LMNB1: variants seen among roughly 807,000 people sequenced by gnomAD.
LMNB1 encodes the protein lamin B1.
In LMNB1, 23 loss-of-function variants were observed where a neutral mutation model predicts 67.1. The observed-to-expected ratio is 0.34, with a 90% CI of 0.25 to 0.49. The LOEUF (loss-of-function observed/expected upper bound fraction) is 0.49, where lower values mean the gene tolerates loss of function less well. Among genes scored for constraint, LMNB1 ranks in the 20% least tolerant of loss-of-function variants. The pLI, the probability that LMNB1 is intolerant of heterozygous loss-of-function variation, is 0.99. For synonymous variants in LMNB1, 281 were observed against 282.9 expected (o/e 0.99, Z 0.07); for missense variants, 634 against 746.5 (o/e 0.85, Z 1.76).
At chr5:126,781,671 G>A (rs1190799663) in intron 1 of LMNB1, among the ~76,000 whole-genome samples, 7 of 152,032 alleles carry the variant, frequency 4.6e-5, no homozygotes, top group Admixed American at 2.6e-4. Context: ...CCTGACCTCA[G>A]GTGATCCACC....
chr5:126,786,576 A>G (rs1750790921), intron 1 of LMNB1, among the ~76,000 whole-genome samples: 1 of 152,198 alleles, frequency 6.6e-6, no homozygotes, highest in African/African-American at 2.4e-5. Flanking sequence ...GTTCACATAC[A>G]TAACCTTATT....
chr5:126,832,725 C>T lies in LMNB1; in HGVS notation c.1643C>T (p.Thr548Ile). The T allele has an allele frequency of 1.9e-6, 3 of 1,613,002 alleles. No individual in the cohort carries two copies. The highest frequency in any genetic ancestry group is 2.5e-6 in the Non-Finnish European group (3 of 1,179,338). Residue 548 changes from threonine to isoleucine, a missense_variant, in exon 10 of 11, where the codon ACA (threonine) becomes ATA (isoleucine). Coordinates refer to ENST00000261366, the MANE Select transcript of LMNB1 (RefSeq NM_005573.4). The stretch of plus-strand genomic sequence containing the variant: ...GCTCAAAGAAGTACAGTCTTTAAAA[C>T]AACCATACCTGAAGAAGAGGAGGAG... The part of the protein sequence containing the change: ...EVAQRSTVFK[T>I]TIPEEEEEEE...
chr5:126,804,881 CA>C lies in LMNB1; in HGVS notation c.472del (p.Ser158ValfsTer2). 1 of 1,613,650 alleles carries C rather than the reference CA, an allele frequency of 6.2e-7. No individual in the cohort carries two copies. The highest frequency in any genetic ancestry group is 8.5e-7 in the Non-Finnish European group (1 of 1,179,858). On this transcript the variant is annotated frameshift_variant, in exon 2 of 11. Coordinates refer to ENST00000261366, the MANE Select transcript of LMNB1 (RefSeq NM_005573.4). LOFTEE classifies it high-confidence loss of function. ...CAGCTCTTGCTACTGCACTTGGTGA[CA>C]AAAAAAGTTTAGAGGGAGATTTGGA... ...DAALATALGD[K>X]KSLEGDLEDL...
chr5:126,811,298 CAAG>C (rs1423102021), intron 4 of LMNB1, among the ~76,000 whole-genome samples: 3 of 152,116 alleles, frequency 2.0e-5, no homozygotes, highest in African/African-American at 7.2e-5. Flanking sequence ...GTATTTTACT[CAAG>C]GAGTTTTTTT....
intron 1 of LMNB1, among the ~76,000 whole-genome samples, chr5:126,794,038 G>T (rs960708254): frequency 6.6e-6 from 1 of 151,896 alleles, no homozygotes; most frequent in Non-Finnish European, 1.5e-5. Context: ...GGGTTCAAGC[G>T]ATTCTCCTGC....
At chr5:126,786,208 C>T (rs1750777331) in intron 1 of LMNB1, among the ~76,000 whole-genome samples, 1 of 147,872 alleles carries the variant, frequency 6.8e-6, no homozygotes, top group Non-Finnish European at 1.5e-5. Context: ...CTGCAGGCTC[C>T]ATCTCTTGAG....
intron 9 of LMNB1, among the ~76,000 whole-genome samples, chr5:126,831,633 C>T (rs1752131997): frequency 1.3e-5 from 2 of 152,134 alleles, no homozygotes; most frequent in South Asian, 2.1e-4. Context: ...ATCAGGTGGT[C>T]CTGTTGCTGG....
intron 3 of LMNB1, 151 bp downstream of exon 3, chr5:126,805,847 A>G: frequency 1.7e-6 from 1 of 580,050 alleles, no homozygotes; most frequent in Non-Finnish European, 2.8e-6. Flanking sequence ...ATGGGGAGAA[A>G]TTTTGCAGGT....
At chr5:126,830,102 G>A (rs929298839) in intron 9 of LMNB1, among the ~76,000 whole-genome samples, 23 of 152,226 alleles carry the variant, frequency 1.5e-4, no homozygotes, top group African/African-American at 3.9e-4. Context: ...ACATAAGATC[G>A]CCCTGATTTG....
At chr5:126,810,926 G>T (rs1478747379) in intron 4 of LMNB1, among the ~76,000 whole-genome samples, 2 of 152,168 alleles carry the variant, frequency 1.3e-5, no homozygotes, top group East Asian at 3.8e-4. Context: ...ACTAGTACAG[G>T]CTTTCCCTGG....
intron 8 of LMNB1, among the ~76,000 whole-genome samples, chr5:126,825,196 A>C (rs1751967939): frequency 6.6e-6 from 1 of 152,204 alleles, no homozygotes; most frequent in Non-Finnish European, 1.5e-5. Flanking sequence ...CCAGAATTCA[A>C]ACCTAGGCTT....
chr5:126,814,936 G>T (rs1304125051), intron 5 of LMNB1, among the ~76,000 whole-genome samples: 1 of 152,104 alleles, frequency 6.6e-6, no homozygotes, highest in Admixed American at 6.6e-5. Context: ...GTGCACTGGG[G>T]GTTTCCAGGA....
At chr5:126,777,052 G>A (rs1468026076), upstream of LMNB1, 1 of 156,062 alleles carries the variant, frequency 6.4e-6, no homozygotes, top group Non-Finnish European at 1.4e-5. Context: ...ATGTTGGGGA[G>A]TGCGGCGCCG....
intron 1 of LMNB1, among the ~76,000 whole-genome samples, chr5:126,802,591 AC>A (rs1297830816): frequency 6.6e-6 from 1 of 151,928 alleles, no homozygotes; most frequent in Admixed American, 6.6e-5. Flanking sequence ...TTACAGGCAC[AC>A]CCCACCATGC....
chr5:126,781,577 C>G (rs1027694695), intron 1 of LMNB1, among the ~76,000 whole-genome samples: 25 of 151,886 alleles, frequency 1.6e-4, no homozygotes, highest in African/African-American at 5.1e-4. Flanking sequence ...GCTGGGATTA[C>G]AGGTGTGCAC....
intron 4 of LMNB1, 147 bp downstream of exon 4, chr5:126,810,497 C>A: frequency 1.7e-6 from 1 of 601,924 alleles, no homozygotes. Context: ...TTGATTTTTT[C>A]AAAAAAGTGC....
chr5:126,781,382 C>A (rs1003192179), intron 1 of LMNB1, among the ~76,000 whole-genome samples: 6 of 152,092 alleles, frequency 3.9e-5, no homozygotes, highest in African/African-American at 1.4e-4. Context: ...CTGAAAATAG[C>A]TTTGGGCTAG....
In LMNB1 at chr5:126,828,766, T is replaced by G. The variant is rs1752060902; in HGVS notation, c.1611+2659T>G. Among the ~76,000 whole-genome samples, 2 of 151,868 alleles carry G rather than the reference T, an allele frequency of 1.3e-5. 1 individual carries two copies. The highest frequency in any genetic ancestry group is 4.2e-4 in the South Asian group (2 of 4,794). On this transcript the variant is annotated intron_variant, in intron 9 of 10. Transcript: ENST00000261366. Reference sequence around the variant, plus strand: ...TTAGTAGAGATGGGGTTTTACCATATTGGCCAGGATGGTCTCAATCTCTTG... The same window carrying G: ...TTAGTAGAGATGGGGTTTTACCATAGTGGCCAGGATGGTCTCAATCTCTTG...
chr5:126,786,110 AT>A (rs1262579192), intron 1 of LMNB1, among the ~76,000 whole-genome samples: 2 of 98,916 alleles, frequency 2.0e-5, no homozygotes, highest in Non-Finnish European at 2.1e-5. Flanking sequence ...TACAGACATT[AT>A]CTTTTTTTTT....
Sources: allele counts gnomAD v4.1 joint callset (sites outside exome capture counted in the v4.1 genomes callset), GRCh38; gene constraint gnomAD v4.1.1; transcripts MANE v1.5; gene names NCBI Gene and HGNC (gene_info 2026-07-23, HGNC 2026-07-21).